The following ZNF469 variants were observed in gnomAD, a reference collection of about 807,000 sequenced individuals.
ZNF469 encodes the protein zinc finger protein 469.
Under a neutral mutation model 1.0 loss-of-function variants are expected in ZNF469, and 1 was observed. That is an observed-to-expected ratio of 1.00 (90% CI 0.35 to 4.73). The LOEUF (loss-of-function observed/expected upper bound fraction) is 4.73. ZNF469 is among the 30% of genes most tolerant of loss of function. The pLI is 0.16. For synonymous variants in ZNF469, 2,703 were observed against 2,363.4 expected (o/e 1.14, Z -4.17); for missense variants, 6,100 against 5,356.3 (o/e 1.14, Z -4.33).
chr16:88,353,830 C>T, the ZNF469 span, among the ~76,000 whole-genome samples: 28 of 152,294 alleles, frequency 1.8e-4, no homozygotes, highest in East Asian at 2.1e-3. Context: ...CTGGGGCCTC[C>T]GGCAGCTGGA....
chr16:88,344,264 G>A, the ZNF469 span, among the ~76,000 whole-genome samples: 8 of 142,886 alleles, frequency 5.6e-5, no homozygotes, highest in Admixed American at 4.9e-4. Flanking sequence ...CGATGGGGGG[G>A]CGGGTTCCGA....
chr16:88,287,491 C>G, the ZNF469 span, among the ~76,000 whole-genome samples: 1 of 152,234 alleles, frequency 6.6e-6, no homozygotes, highest in Non-Finnish European at 1.5e-5. Flanking sequence ...CAAGTCTCCC[C>G]ACCTTGTAGC....
chr16:88,194,114 C>T, the ZNF469 span, among the ~76,000 whole-genome samples: 1 of 152,148 alleles, frequency 6.6e-6, no homozygotes, highest in Non-Finnish European at 1.5e-5. Context: ...TGGTTTATTC[C>T]CCCCTCCGCC....
the ZNF469 span, among the ~76,000 whole-genome samples, chr16:88,372,420 C>A: frequency 6.6e-6 from 1 of 150,656 alleles, no homozygotes; most frequent in Non-Finnish European, 1.5e-5. Flanking sequence ...TCACCATCAC[C>A]ATCATCACCA....
the ZNF469 span, among the ~76,000 whole-genome samples, chr16:88,143,455 G>A: frequency 5.3e-5 from 8 of 152,080 alleles, no homozygotes; most frequent in Non-Finnish European, 1.0e-4. Flanking sequence ...GGATACAGAT[G>A]CCCCCCCACT....
the ZNF469 span, among the ~76,000 whole-genome samples, chr16:88,295,624 G>A: frequency 6.6e-6 from 1 of 152,176 alleles, no homozygotes; most frequent in Non-Finnish European, 1.5e-5. Flanking sequence ...ATCTGTCATT[G>A]AGCTGTACAA....
At position 88,435,280 on chromosome 16, in the gene ZNF469, C is replaced by T; in HGVS notation, c.7810C>T (p.Pro2604Ser). ...CCAGGCCAGGGAAGATGAGCTGCAT[C>T]CCAAACAGGCAGAAAAAAGAGAAGG... ...PDQAREDELHPKQAEKREGRR... is the reference protein window; with the variant it reads ...PDQAREDELHSKQAEKREGRR... Residue 2604 changes from proline to serine, a missense_variant, in exon 3 of 3, where the codon CCC becomes TCC. Pro to Ser is a moderately conservative substitution (Grantham distance 74, BLOSUM62 -1). Coordinates refer to ENST00000565624, the MANE Select transcript of ZNF469 (RefSeq NM_001367624.2). 11 of 1,550,356 alleles carry T rather than the reference C, an allele frequency of 7.1e-6. No homozygotes were observed. Among genetic ancestry groups the T allele is most frequent in the Non-Finnish European group, 8.7e-6 (10 of 1,146,994 alleles).
chr16:88,229,672 T>C, the ZNF469 span, among the ~76,000 whole-genome samples: 27 of 135,984 alleles, frequency 2.0e-4, no homozygotes, highest in African/African-American at 3.2e-4. Context: ...GGATGTCGCG[T>C]GTGTGCTGAT....
the ZNF469 span, among the ~76,000 whole-genome samples, chr16:88,336,914 C>T: frequency 6.6e-6 from 1 of 152,224 alleles, no homozygotes. Flanking sequence ...CTCTGCTCTT[C>T]TGGGCATTTC....
rs1243998716 is a variant in ZNF469, at chr16:88,431,018, C to T, written c.3548C>T (p.Ala1183Val). 10 of 1,544,366 alleles carry T rather than the reference C, an allele frequency of 6.5e-6. No individual in the cohort carries two copies. Among genetic ancestry groups the T allele is most frequent in the Non-Finnish European group, 7.8e-6 (9 of 1,146,600 alleles). The change falls in exon 3 of 3, where the codon GCC (alanine) becomes GTC (valine). Residue 1183 changes from alanine to valine, a missense_variant. By Grantham distance (64) the Ala-to-Val change is moderately conservative. Coordinates refer to ENST00000565624, the MANE Select transcript of ZNF469 (RefSeq NM_001367624.2). Reference sequence around the variant, plus strand: ...TCTCGAAGCCTGGAGACGGGAGCGGCCGCCAGGGAGGGAGGCCCCAAGTGT... The same window carrying T: ...TCTCGAAGCCTGGAGACGGGAGCGGTCGCCAGGGAGGGAGGCCCCAAGTGT... ...GPSRSLETGA[A>V]AREGGPKCAD... is the part of the protein sequence containing the mutation.
At chr16:88,307,435 G>C in the ZNF469 span, among the ~76,000 whole-genome samples, 1 of 152,216 alleles carries the variant, frequency 6.6e-6, no homozygotes, top group Non-Finnish European at 1.5e-5. Context: ...TTTCCAAAGA[G>C]GTTGCCACAT....
the ZNF469 span, among the ~76,000 whole-genome samples, chr16:88,206,073 G>A: frequency 6.6e-6 from 1 of 152,174 alleles, no homozygotes; most frequent in Non-Finnish European, 1.5e-5. Context: ...GGTGAGGGAG[G>A]GGGGAGCTGT....
the ZNF469 span, among the ~76,000 whole-genome samples, chr16:88,120,660 C>A: frequency 6.6e-6 from 1 of 152,204 alleles, no homozygotes; most frequent in African/African-American, 2.4e-5. Context: ...TGGGTCACCG[C>A]GGCTCCCGGG....
In ZNF469 at chr16:88,424,634, G is replaced by T. The variant is rs1445697309; in HGVS notation, c.-191-173G>T. 6.6e-6 allele frequency among the ~76,000 whole-genome samples: 1 copy of T among 152,046 alleles called. No individual in the cohort carries two copies. Among genetic ancestry groups the T allele is most frequent in the African/African-American group, 2.4e-5 (1 of 41,404 alleles). On this transcript the variant is annotated intron_variant, in intron 1 of 2. Transcript: ENST00000565624. This position sits in a 1 kb window ranked among gnomAD's most constrained non-coding sequence, Gnocchi z 4.3. ...CCCGGGCCAGCTGAGCTGCCCGCTG[G>T]CCTCTGAGGGGAGCTCACCCATCTC...
At chr16:88,382,956 G>T (rs982780914), upstream of ZNF469, among the ~76,000 whole-genome samples, 9 of 151,626 alleles carry the variant, frequency 5.9e-5, no homozygotes, top group Non-Finnish European at 1.3e-4. Context: ...GCCTCCGGGG[G>T]GCAGACCCCG....
chr16:88,331,503 C>G, the ZNF469 span, among the ~76,000 whole-genome samples: 9 of 148,470 alleles, frequency 6.1e-5, no homozygotes, highest in South Asian at 2.0e-3. Context: ...ATTGTTATCA[C>G]CACCACCATC....
At chr16:88,362,852 C>G in the ZNF469 span, among the ~76,000 whole-genome samples, 1 of 152,178 alleles carries the variant, frequency 6.6e-6, no homozygotes, top group African/African-American at 2.4e-5. Context: ...ACACACATAG[C>G]AGACCTTTTG....
At chr16:88,257,017 C>T in the ZNF469 span, among the ~76,000 whole-genome samples, 3 of 149,408 alleles carry the variant, frequency 2.0e-5, no homozygotes, top group Non-Finnish European at 4.5e-5. Flanking sequence ...GGCACAATCT[C>T]AGCCCACTGC....
chr16:88,388,091 TC>T (rs1184537778), intron 1 of ZNF469, among the ~76,000 whole-genome samples: 1 of 152,022 alleles, frequency 6.6e-6, no homozygotes, highest in African/African-American at 2.4e-5. Flanking sequence ...GCAGAGGGGC[TC>T]CCCAGAGAGG....
Sources: gnomAD v4.1 joint callset for allele counts (sites outside exome capture counted in the v4.1 genomes callset) on GRCh38, gnomAD v4.1.1 for gene constraint, Gnocchi (gnomAD v3.1) non-coding constraint, MANE v1.5 for transcripts, NCBI Gene and HGNC (gene_info 2026-07-23, HGNC 2026-07-21) for gene names.